The following BCAT1 variants were observed in gnomAD, a reference collection of about 807,000 sequenced individuals.
The protein encoded by BCAT1 is branched chain amino acid transaminase 1, also known as branched-chain-amino-acid aminotransferase, cytosolic.
In BCAT1, 48 loss-of-function variants were observed where a neutral mutation model predicts 52.4. That is an observed-to-expected ratio of 0.92 (90% CI 0.73 to 1.16). The LOEUF is 1.16. BCAT1 is among the 50% of genes most tolerant of loss of function. The probability of loss-of-function intolerance (pLI) is 0.00; values close to 1 mark genes in which losing one functional copy is unlikely to be tolerated. For synonymous variants in BCAT1, 167 were observed against 161.3 expected (o/e 1.04, Z -0.27); for missense variants, 451 against 457.1 (o/e 0.99, Z 0.12).
intron 2 of BCAT1, among the ~76,000 whole-genome samples, chr12:24,895,405 A>C (rs61912175): frequency 0.086 from 13,020 of 152,134 alleles, 732 homozygotes; most frequent in Middle Eastern, 0.16. Flanking sequence ...ATGCACCTGT[A>C]GTCGCAGCTA....
At chr12:24,829,031 ATAAATAAATAAATAAATAAATAAAG>A (rs1021428834) in intron 10 of BCAT1, among the ~76,000 whole-genome samples, 1 of 20,354 alleles carries the variant, frequency 4.9e-5, no homozygotes, top group Non-Finnish European at 9.2e-5. Context: ...AAATAAATAA[ATAAATAAATAAATAAATAAATAAAG>A]TATATAAATG....
intron 1 of BCAT1, among the ~76,000 whole-genome samples, chr12:24,928,585 A>G (rs1943628838): frequency 6.9e-6 from 1 of 145,724 alleles, no homozygotes; most frequent in Non-Finnish European, 1.5e-5. Flanking sequence ...AGCTGCAGCG[A>G]GCTGTGATTG....
intron 2 of BCAT1, among the ~76,000 whole-genome samples, chr12:24,901,430 C>G (rs1313096873): frequency 1.3e-5 from 2 of 152,102 alleles, no homozygotes; most frequent in Non-Finnish European, 2.9e-5. Context: ...GAAGAAAATG[C>G]AACACTTTCA....
chr12:24,922,432 A>G (rs1316960498), intron 1 of BCAT1, among the ~76,000 whole-genome samples: 1 of 152,192 alleles, frequency 6.6e-6, no homozygotes, highest in Non-Finnish European at 1.5e-5. Flanking sequence ...ATATTTCACC[A>G]TATTTTTCAT....
At chr12:24,916,993 G>A (rs997791986) in intron 1 of BCAT1, among the ~76,000 whole-genome samples, 9 of 152,064 alleles carry the variant, frequency 5.9e-5, no homozygotes, top group African/African-American at 1.4e-4. Context: ...AATGCTGTAA[G>A]CTATAAATAG....
intron 4 of BCAT1, among the ~76,000 whole-genome samples, chr12:24,879,739 T>C (rs1359797461): frequency 6.6e-6 from 1 of 152,214 alleles, no homozygotes; most frequent in African/African-American, 2.4e-5. Flanking sequence ...GTCCTTTTGC[T>C]CTTTGTGACT....
intron 5 of BCAT1, among the ~76,000 whole-genome samples, chr12:24,855,357 A>G (rs953398374): frequency 4.6e-5 from 7 of 151,786 alleles, no homozygotes; most frequent in African/African-American, 1.7e-4. Context: ...TGAGGACTGA[A>G]TTATCACCAT....
intron 5 of BCAT1, among the ~76,000 whole-genome samples, chr12:24,871,149 G>A (rs1029315732): frequency 6.5e-5 from 9 of 139,464 alleles, no homozygotes; most frequent in African/African-American, 1.4e-4. Context: ...TGCCAATTTC[G>A]CCAAGGAGAC....
intron 1 of BCAT1, chr12:24,902,702 G>A: frequency 1.7e-6 from 1 of 575,116 alleles, no homozygotes; most frequent in Non-Finnish European, 2.9e-6. Flanking sequence ...CTCCGGAGCG[G>A]GTTACCCATG....
intron 3 of BCAT1, among the ~76,000 whole-genome samples, chr12:24,893,384 C>T (rs1004685587): frequency 6.6e-6 from 1 of 152,092 alleles, no homozygotes; most frequent in Non-Finnish European, 1.5e-5. Context: ...GAAATTAAAG[C>T]ACAAATGATT....
chr12:24,928,626 C>T (rs1386646107), intron 1 of BCAT1, among the ~76,000 whole-genome samples: 1 of 108,196 alleles, frequency 9.2e-6, no homozygotes, highest in South Asian at 3.0e-4. Context: ...CAGAGCGAGA[C>T]AGTCTCAAAA....
In BCAT1 at chr12:24,816,528, A is replaced by G. The variant is rs896283994; in HGVS notation, c.*1480T>C. 5 of 398,100 alleles carry G rather than the reference A, an allele frequency of 1.3e-5. No individual in the cohort carries two copies. Among genetic ancestry groups the G allele is most frequent in the Non-Finnish European group, 2.2e-5 (5 of 225,844 alleles). 24.7% of individuals were successfully genotyped at this position (398,100 alleles called of 1,614,324 possible). On this transcript the variant is annotated 3_prime_UTR_variant, in exon 11 of 11. Transcript: ENST00000261192. ...CCACTTGCTCATCAAATCTCCATTC[A>G]AAGAAAAGAGCACCTGCAAAAACAG...
chr12:24,916,846 G>A (rs1287281899), intron 1 of BCAT1, among the ~76,000 whole-genome samples: 1 of 152,096 alleles, frequency 6.6e-6, no homozygotes, highest in East Asian at 1.9e-4. Flanking sequence ...GCCGAAAATA[G>A]GTTCTTATTG....
At position 24,816,410 on chromosome 12, in the gene BCAT1, A is replaced by G; in HGVS notation, c.*1598T>C. On this transcript the variant is annotated 3_prime_UTR_variant, in exon 11 of 11. Coordinates refer to ENST00000261192, the MANE Select transcript of BCAT1 (RefSeq NM_005504.7). ...GAAAAATGTTTTCTGTCAAGATTTG[A>G]CTTTCCTTAGATAAACCACAAAGGA... The G allele has an allele frequency of 2.5e-6, 1 of 397,392 alleles. No individual in the cohort carries two copies. The highest frequency in any genetic ancestry group is 4.4e-6 in the Non-Finnish European group (1 of 225,420). The allele number at this position is 397,392 out of a possible 1,614,324, so 24.6% of individuals were successfully genotyped here.
chr12:24,937,187 C>T (rs1168275172), intron 1 of BCAT1, among the ~76,000 whole-genome samples: 1 of 152,202 alleles, frequency 6.6e-6, no homozygotes, highest in Non-Finnish European at 1.5e-5. Flanking sequence ...GCCTGGGAAA[C>T]ATGGGAGTCC....
chr12:24,898,110 C>T (rs925171869), intron 2 of BCAT1, among the ~76,000 whole-genome samples: 4 of 152,006 alleles, frequency 2.6e-5, no homozygotes, highest in South Asian at 4.2e-4. Context: ...TTTAAGGGAA[C>T]GATTTGTTTC....
At chr12:24,896,061 C>T (rs1942953327) in intron 2 of BCAT1, among the ~76,000 whole-genome samples, 1 of 151,732 alleles carries the variant, frequency 6.6e-6, no homozygotes, top group East Asian at 1.9e-4. Flanking sequence ...ACTATGTTGC[C>T]CAGGCTGGTC....
At position 24,815,490 on chromosome 12, in the gene BCAT1, G is replaced by C. The variant is rs1376740231; in HGVS notation, c.*2518C>G. On this transcript the variant is annotated 3_prime_UTR_variant, in exon 11 of 11. Coordinates refer to ENST00000261192, the MANE Select transcript of BCAT1 (RefSeq NM_005504.7). ...AGTGTGACAATAACTAAGTCTTGAA[G>C]AATGGATAATTGCCTAGTTATAATG... The C allele has an allele frequency of 6.6e-6, 1 of 152,606 alleles. No homozygotes were observed. The highest frequency in any genetic ancestry group is 1.5e-5 in the Non-Finnish European group (1 of 68,028). 9.5% of individuals were successfully genotyped at this position (152,606 alleles called of 1,614,324 possible).
chr12:24,898,520 C>CTTTTTT (rs71448094), intron 2 of BCAT1, among the ~76,000 whole-genome samples: 408 of 38,480 alleles, frequency 0.011, 91 homozygotes, highest in South Asian at 0.021. Context: ...TCAGTCAACA[C>CTTTTTT]TTTTTTTTTT....
Sources: allele counts gnomAD v4.1 joint callset (sites outside exome capture counted in the v4.1 genomes callset), GRCh38; gene constraint gnomAD v4.1.1; transcripts MANE v1.5; gene names NCBI Gene and HGNC (gene_info 2026-07-23, HGNC 2026-07-21).